The following CLTCL1 variants were observed in gnomAD, a reference collection of about 807,000 sequenced individuals.
CLTCL1 encodes the protein clathrin heavy chain like 1, also known as clathrin heavy chain 2.
Under a neutral mutation model 190.0 loss-of-function variants are expected in CLTCL1, and 159 were observed. That is an observed-to-expected ratio of 0.84 (90% CI 0.74 to 0.95). CLTCL1 has a LOEUF of 0.95. CLTCL1 is among the 40% of genes least tolerant of loss of function. The probability of loss-of-function intolerance (pLI) is 0.00; values close to 1 mark genes in which losing one functional copy is unlikely to be tolerated. For missense variants in CLTCL1, 1,878 were observed against 2,033.4 expected (o/e 0.92, Z 1.47); for synonymous variants, 752 against 769.6 (o/e 0.98, Z 0.38).
intron 3 of CLTCL1, among the ~76,000 whole-genome samples, chr22:19,244,392 T>C (rs781946186): frequency 4.6e-5 from 7 of 152,146 alleles, no homozygotes; most frequent in Non-Finnish European, 7.3e-5. Flanking sequence ...AAGGAAAATT[T>C]ATTGAGACAG....
Position 19,208,180 on chromosome 22 carries a change from C to T in CLTCL1, c.3574G>A (p.Gly1192Arg). ...TGCTGGATGTGGGCATTGTTGGGTC[C>T]ATTAATAAAATCTTCTAGCTCAGAA... ...RVSELEDFIN[G>R]PNNAHIQQVG... is the part of the protein sequence containing the mutation. The change falls in exon 22 of 33, where the codon GGA (glycine) becomes AGA (arginine). Residue 1192 changes from glycine (G) to arginine (R), a missense_variant. Coordinates refer to ENST00000427926, the MANE Select transcript of CLTCL1 (RefSeq NM_007098.4). The T allele has an allele frequency of 6.2e-7, 1 of 1,613,844 alleles. No homozygotes were observed. The highest frequency in any genetic ancestry group is 1.7e-5 in the Admixed American group (1 of 60,026).
intron 4 of CLTCL1, among the ~76,000 whole-genome samples, chr22:19,241,444 G>A (rs1256113439): frequency 1.3e-5 from 2 of 152,210 alleles, no homozygotes; most frequent in African/African-American, 2.4e-5. Context: ...CACGTGACCC[G>A]AGTCCTTTTC....
chr22:19,289,721 G>C (rs1240393592), intron 1 of CLTCL1, among the ~76,000 whole-genome samples: 1 of 152,136 alleles, frequency 6.6e-6, no homozygotes, highest in Non-Finnish European at 1.5e-5. Flanking sequence ...TTATAGGGAA[G>C]AAGGATACCA....
At chr22:19,289,183 A>G (rs2088018676) in intron 1 of CLTCL1, among the ~76,000 whole-genome samples, 1 of 152,142 alleles carries the variant, frequency 6.6e-6, no homozygotes, top group African/African-American at 2.4e-5. Context: ...AGGTTTCACC[A>G]TGTTGGCCAG....
At chr22:19,256,019 G>A (rs1345647440) in intron 2 of CLTCL1, among the ~76,000 whole-genome samples, 1 of 151,838 alleles carries the variant, frequency 6.6e-6, no homozygotes, top group Non-Finnish European at 1.5e-5. Flanking sequence ...CTGAAAGAAA[G>A]TAAAGGCTTA....
chr22:19,222,895 C>G (rs1470925922), intron 14 of CLTCL1, 86 bp from the exon 15 acceptor site: 9 of 1,496,480 alleles, frequency 6.0e-6, no homozygotes, highest in Non-Finnish European at 7.2e-6. Flanking sequence ...TGGGACGGCT[C>G]TGTCTCTGCA....
intron 15 of CLTCL1, among the ~76,000 whole-genome samples, chr22:19,222,369 GCA>G (rs2085600326): frequency 6.6e-6 from 1 of 152,210 alleles, no homozygotes; most frequent in African/African-American, 2.4e-5. Flanking sequence ...GAGTGCACAT[GCA>G]CAGAGGAAAG....
intron 2 of CLTCL1, among the ~76,000 whole-genome samples, chr22:19,259,989 C>CA (rs1486613619): frequency 5.3e-5 from 8 of 152,116 alleles, no homozygotes; most frequent in African/African-American, 1.9e-4. Context: ...GATAAGAAAA[C>CA]AAACAGCCTT....
chr22:19,193,615 A>T (rs1230206340), intron 26 of CLTCL1, among the ~76,000 whole-genome samples: 2 of 152,238 alleles, frequency 1.3e-5, no homozygotes, highest in Non-Finnish European at 2.9e-5. Flanking sequence ...TCACGCCTGT[A>T]ATCCCAGCAC....
intron 30 of CLTCL1, chr22:19,183,182 C>G: frequency 1.8e-6 from 1 of 558,850 alleles, no homozygotes; most frequent in Admixed American, 3.1e-5. Context: ...GGGCACTCCC[C>G]ATGATGATTT....
In CLTCL1 at chr22:19,235,909, G is replaced by A. The variant is rs2145898654; in HGVS notation, c.796-40C>T. ...AGAGCAAGAGGTTGGAAAGTAAGGA[G>A]GAGAAGCCATGCGGGTAAAAAGAGC... is the stretch of plus-strand genomic sequence containing the variant. On this transcript the variant is annotated intron_variant, in intron 5 of 32. Coordinates refer to ENST00000427926, the MANE Select transcript of CLTCL1 (RefSeq NM_007098.4). The A allele has an allele frequency of 2.6e-6, 4 of 1,554,370 alleles. No individual in the cohort carries two copies. The East Asian group carries it at 9.0e-5, about 35-fold the overall frequency.
chr22:19,232,405 A>C, intron 10 of CLTCL1, 71 bp downstream of exon 10: 2 of 1,594,386 alleles, frequency 1.3e-6, no homozygotes, highest in Non-Finnish European at 8.6e-7. Flanking sequence ...GTTAACAGGA[A>C]ACGAATCAAA....
rs1252349425 is a variant in CLTCL1 at position 19,187,717 on chromosome 22, T to A, written c.4446A>T (p.Ala1482=). The A allele has an allele frequency of 6.2e-7, 1 of 1,613,624 alleles. No homozygotes were observed. Among genetic ancestry groups the A allele is most frequent in the Non-Finnish European group, 8.5e-7 (1 of 1,179,848 alleles). ...TEEEDYQGLR[A]SIDAYDNFDN... ...CAAAGTTGTCATAGGCATCGATAGA[T>A]GCCCTTAAGCCCTAGGAAGACAGCC... Residue 1482 remains alanine, a synonymous_variant, in exon 29 of 33, where the codon GCA becomes GCT. Coordinates refer to ENST00000427926, the MANE Select transcript of CLTCL1 (RefSeq NM_007098.4).
chr22:19,282,197 C>T (rs1213730446), intron 1 of CLTCL1, among the ~76,000 whole-genome samples: 2 of 151,720 alleles, frequency 1.3e-5, no homozygotes, highest in African/African-American at 4.8e-5. Flanking sequence ...GGCATGGTGG[C>T]GTGCACCTGT....
At chr22:19,202,532 C>A (rs868977173) in intron 22 of CLTCL1, among the ~76,000 whole-genome samples, 917 of 65,366 alleles carry the variant, frequency 0.014, no homozygotes, top group East Asian at 0.024. Flanking sequence ...ACCTCCCCCA[C>A]CACCCCTCCT....
chr22:19,205,160 C>T (rs1321019383), intron 22 of CLTCL1, among the ~76,000 whole-genome samples: 2 of 151,922 alleles, frequency 1.3e-5, no homozygotes, highest in African/African-American at 2.4e-5. Flanking sequence ...ATTCCAAATC[C>T]CAGAGTTATT....
Position 19,233,281 on chromosome 22 carries a change from G to T in CLTCL1, c.1406C>A (p.Thr469Asn), listed in dbSNP as rs1295318778. ...CSEELGDLVK[T>N]TDPMLALSVY... ...ACTCAGAGCGAGCATGGGGTCAGTG[G>T]TTTTGACCAAGTCTCCGAGCTCCTC... Residue 469 changes from threonine to asparagine, a missense_variant, in exon 9 of 33, where the codon ACC (threonine) becomes AAC (asparagine). Physicochemically the swap from Thr to Asn is moderately conservative, Grantham distance 65 (BLOSUM62 0). Coordinates refer to ENST00000427926, the MANE Select transcript of CLTCL1 (RefSeq NM_007098.4). The T allele has an allele frequency of 1.9e-6, 3 of 1,613,828 alleles. No individual in the cohort carries two copies. The highest frequency in any genetic ancestry group is 4.5e-5 in the East Asian group (2 of 44,878).
intron 30 of CLTCL1, chr22:19,181,101 C>T: frequency 2.1e-6 from 1 of 469,868 alleles, no homozygotes; most frequent in Non-Finnish European, 3.9e-6. Context: ...ATGTGGCCTG[C>T]TTATGGGGGG....
At position 19,233,483 on chromosome 22, in the gene CLTCL1, C is replaced by A. The variant is rs1555960221; in HGVS notation, c.1307G>T (p.Cys436Phe). 1 of 1,613,696 alleles carries A rather than the reference C, an allele frequency of 6.2e-7. No individual in the cohort carries two copies. The highest frequency in any genetic ancestry group is 1.3e-5 in the African/African-American group (1 of 74,884). The change falls in exon 8 of 33, where the codon TGC becomes TTC. Residue 436 changes from cysteine to phenylalanine, a missense_variant. Physicochemically the swap from Cys to Phe is radical, Grantham distance 205 (BLOSUM62 -2). Transcript: ENST00000427926. The stretch of plus-strand genomic sequence containing the variant: ...ACGCCCCTGCTGAAGAACCAGATGG[C>A]AAAGTTCTAAGGATTCAAGTTTATT... ...QLNKLESLEL[C>F]HLVLQQGRKQ...
Sources: gnomAD v4.1 joint callset for allele counts (sites outside exome capture counted in the v4.1 genomes callset) on GRCh38, gnomAD v4.1.1 for gene constraint, MANE v1.5 for transcripts, NCBI Gene and HGNC (gene_info 2026-07-23, HGNC 2026-07-21) for gene names.